Variants in SYTL5 observed in about 807,000 individuals in gnomAD.
The protein encoded by SYTL5 is synaptotagmin-like protein 5.
Under a neutral mutation model 55.9 loss-of-function variants are expected in SYTL5, and 34 were observed. The observed-to-expected ratio is 0.61, with a 90% CI of 0.46 to 0.81. The LOEUF is 0.81. SYTL5 is among the 30% of genes least tolerant of loss of function. The pLI, the probability that SYTL5 is intolerant of heterozygous loss-of-function variation, is 0.00. For synonymous variants in SYTL5, 221 were observed against 188.7 expected (o/e 1.17, Z -1.40); for missense variants, 637 against 546.7 (o/e 1.17, Z -1.65).
chrX:37,923,060 T>C, the SYTL5 span, among the ~76,000 whole-genome samples: 2 of 112,527 alleles, frequency 1.8e-5, no homozygotes, highest in Non-Finnish European at 3.8e-5. Flanking sequence ...TGGTATCAGA[T>C]ATATTGTGCT....
At chrX:37,894,369 A>T in the SYTL5 span, among the ~76,000 whole-genome samples, 1 of 112,000 alleles carries the variant, frequency 8.9e-6, no homozygotes, top group South Asian at 3.7e-4. Flanking sequence ...AAATACTGCC[A>T]AACAGTTTTC....
chrX:38,045,461 T>TTTTTG lies in SYTL5; in HGVS notation c.120-8732_120-8728dup, dbSNP rs769999769. On this transcript the variant is annotated intron_variant, in intron 2 of 16. Coordinates refer to ENST00000297875, the MANE Select transcript of SYTL5 (RefSeq NM_138780.3). ...TTTTCAGTATTTTTTGGATTTGGGT[T>TTTTTG]TTTTGTTTTGTTTTGTTTTGTTTTT... Among the ~76,000 whole-genome samples, 44 of 112,267 alleles carry TTTTTG rather than the reference T, an allele frequency of 3.9e-4. No homozygotes were observed. The South Asian group carries it at 0.014, about 36-fold the overall frequency.
At chrX:37,904,803 G>A in the SYTL5 span, among the ~76,000 whole-genome samples, 1 of 111,278 alleles carries the variant, frequency 9.0e-6, no homozygotes, top group South Asian at 3.8e-4. Flanking sequence ...TAAGAAGTCT[G>A]ACAGCTGAAA....
chrX:38,121,966 G>C (rs1937575664), intron 14 of SYTL5, 114 bp from the exon 15 acceptor site: 1 of 748,899 alleles, frequency 1.3e-6, no homozygotes, highest in African/African-American at 2.2e-5. Flanking sequence ...AAATTAGTCA[G>C]CAAATGAAAT....
chrX:38,047,882 C>T (rs141000494), intron 2 of SYTL5, among the ~76,000 whole-genome samples: 242 of 111,378 alleles, frequency 2.2e-3, no homozygotes, highest in African/African-American at 7.6e-3. Flanking sequence ...TGCCACCAGT[C>T]TCTTTGCTAA....
In SYTL5 at chrX:38,122,175, G is replaced by T. The variant is rs375233532; in HGVS notation, c.1801G>T (p.Ala601Ser). Reference sequence around the variant, plus strand: ...CATCAAAGAGGCAAAGAATTTGACAGCAGTGAAGTCAGGAGGCACTTCTGA... The same window carrying T: ...CATCAAAGAGGCAAAGAATTTGACATCAGTGAAGTCAGGAGGCACTTCTGA... ...VFIKEAKNLT[A>S]VKSGGTSDSF... The change falls in exon 15 of 17, where the codon GCA (alanine) becomes TCA (serine). Residue 601 changes from alanine to serine, a missense_variant. Transcript: ENST00000297875. 1 of 1,207,089 alleles carries T rather than the reference G, an allele frequency of 8.3e-7. No homozygotes were observed. The highest frequency in any genetic ancestry group is 3.0e-5 in the East Asian group (1 of 33,745).
rs750127692 is a variant in SYTL5, at chrX:38,073,592, G to A, written c.448G>A (p.Ala150Thr). The A allele has an allele frequency of 8.5e-7, 1 of 1,172,154 alleles. No homozygotes were observed. Among genetic ancestry groups the A allele is most frequent in the Non-Finnish European group, 1.1e-6 (1 of 872,695 alleles). Residue 150 changes from alanine to threonine, a missense_variant and splice_region_variant, in exon 5 of 17, where the codon GCT (alanine) becomes ACT (threonine). Ala to Thr is a moderately conservative substitution (Grantham distance 58). Transcript: ENST00000297875. ...TCTTCTGATTGTTTGTTAATGAGGA[G>A]CTGAAGAAGTACAGAGCCAAGAGCA... ...RQSILRRSPG[A>T]EEVQSQEQTR...
At chrX:38,019,928 C>G in intron 1 of SYTL5, among the ~76,000 whole-genome samples, 1 of 112,054 alleles carries the variant, frequency 8.9e-6, no homozygotes, top group Non-Finnish European at 1.9e-5. Context: ...AGCCACAATG[C>G]CTGGCCCAAC....
At chrX:38,003,906 A>C (rs975434278), upstream of SYTL5, among the ~76,000 whole-genome samples, 1 of 111,417 alleles carries the variant, frequency 9.0e-6, no homozygotes, top group Non-Finnish European at 1.9e-5. Context: ...ATGACATCTC[A>C]TTGTAGTTTT....
the SYTL5 span, among the ~76,000 whole-genome samples, chrX:37,928,976 T>A: frequency 0.013 from 1,427 of 112,246 alleles, 20 homozygotes; most frequent in African/African-American, 0.043. Context: ...TTGCTATTTT[T>A]AAAAAGCTAC....
the SYTL5 span, among the ~76,000 whole-genome samples, chrX:37,996,591 T>A: frequency 8.9e-6 from 1 of 112,321 alleles, no homozygotes; most frequent in African/African-American, 3.2e-5. Context: ...GCAGAAAACT[T>A]CATGTGTGAA....
At chrX:37,987,856 C>T in the SYTL5 span, among the ~76,000 whole-genome samples, 1 of 111,953 alleles carries the variant, frequency 8.9e-6, no homozygotes, top group Non-Finnish European at 1.9e-5. Context: ...TTTACTACAG[C>T]GTTCTCTAAA....
intron 16 of SYTL5, 92 bp downstream of exon 16, chrX:38,125,598 A>G (rs2147732767): frequency 1.6e-6 from 1 of 635,483 alleles, no homozygotes; most frequent in Non-Finnish European, 2.5e-6. Context: ...GGATGTATAT[A>G]TATAGTTTCA....
At chrX:38,030,168 T>TC (rs1934909641) in intron 1 of SYTL5, among the ~76,000 whole-genome samples, 1 of 110,758 alleles carries the variant, frequency 9.0e-6, no homozygotes, top group Non-Finnish European at 1.9e-5. Context: ...AGCCACATAT[T>TC]CCCCCAATAA....
At chrX:38,049,441 G>C (rs376675220) in intron 2 of SYTL5, among the ~76,000 whole-genome samples, 3 of 111,135 alleles carry the variant, frequency 2.7e-5, no homozygotes, top group East Asian at 5.7e-4. Context: ...TATTGTTATG[G>C]GGGCTGCATT....
At chrX:37,889,587 G>A in the SYTL5 span, among the ~76,000 whole-genome samples, 1 of 111,330 alleles carries the variant, frequency 9.0e-6, no homozygotes, top group Admixed American at 9.6e-5. Context: ...GGGCTTGAGT[G>A]GGGGGGATAA....
chrX:37,975,809 A>T, the SYTL5 span, among the ~76,000 whole-genome samples: 1 of 112,465 alleles, frequency 8.9e-6, no homozygotes, highest in African/African-American at 3.2e-5. Flanking sequence ...CATACTTAGG[A>T]TGTGAACCTC....
upstream of SYTL5, among the ~76,000 whole-genome samples, chrX:38,004,956 T>G (rs1933954096): frequency 8.9e-6 from 1 of 111,821 alleles, no homozygotes; most frequent in African/African-American, 3.2e-5. Context: ...CAAAGGATAA[T>G]TGCTTGAGGC....
At chrX:37,990,857 C>T in the SYTL5 span, 26 of 1,201,564 alleles carry the variant, frequency 2.2e-5, no homozygotes, top group Non-Finnish European at 2.9e-5. Flanking sequence ...AGAAAAAGAA[C>T]TGTAAGAACT....
Sources: allele counts gnomAD v4.1 joint callset (sites outside exome capture counted in the v4.1 genomes callset), GRCh38; gene constraint gnomAD v4.1.1; transcripts MANE v1.5; gene names NCBI Gene and HGNC (gene_info 2026-07-23, HGNC 2026-07-21).